Variants in FBN1 observed in about 807,000 individuals in gnomAD.
FBN1 encodes fibrillin-1.
In FBN1, 29 loss-of-function variants were observed where a neutral mutation model predicts 365.1. The observed-to-expected ratio is 0.08, with a 90% CI of 0.06 to 0.11. The LOEUF is 0.11. Ranked by LOEUF, FBN1 falls within the 10% of genes least tolerant of loss-of-function variation. The pLI is 1.00. For missense variants in FBN1, 2,476 were observed against 3,703.2 expected (o/e 0.67, Z 8.60); for synonymous variants, 1,210 against 1,270.5 (o/e 0.95, Z 1.01).
At chr15:48,642,563 A>C (rs1483536182) in intron 2 of FBN1, 2 of 152,206 alleles carry the variant, frequency 1.3e-5, no homozygotes, top group Non-Finnish European at 2.9e-5. Flanking sequence ...ATGTATACAT[A>C]TGCCTAAAAG....
chr15:48,463,978 T>C lies in FBN1; in HGVS notation c.4986A>G (p.Thr1662=), dbSNP rs753705796. The C allele has an allele frequency of 1.8e-5, 29 of 1,613,782 alleles. 1 individual carries two copies. In the Middle Eastern group the frequency reaches 2.0e-3, roughly 110 times the overall value. The stretch of plus-strand genomic sequence containing the variant: ...TGTAGTTGCCAACGGTGTTGTAACA[T>C]GTCCCTGGACCACAGATTCCAGGAG... ...CETPGICGPG[T]CYNTVGNYTC... is the part of the protein sequence containing the mutation. The change falls in exon 41 of 66, where the codon ACA becomes ACG. Residue 1662 remains threonine, a synonymous_variant. Coordinates refer to ENST00000316623, the MANE Select transcript of FBN1 (RefSeq NM_000138.5).
At position 48,495,104 on chromosome 15, in the gene FBN1, C is replaced by A; in HGVS notation, c.2677+19G>T. 6.2e-7 allele frequency: 1 copy of A among 1,613,960 alleles called. No homozygotes were observed. Among genetic ancestry groups the A allele is most frequent in the Non-Finnish European group, 8.5e-7 (1 of 1,179,920 alleles). On this transcript the variant is annotated intron_variant, in intron 22 of 65. Coordinates refer to ENST00000316623, the MANE Select transcript of FBN1 (RefSeq NM_000138.5). ...GACCATTGGAGTGGTATAGGAACCA[C>A]AGCATGGGTTTCTCTTACCAACTTG...
At chr15:48,480,520 C>T (rs959496000) in intron 32 of FBN1, among the ~76,000 whole-genome samples, 1 of 152,036 alleles carries the variant, frequency 6.6e-6, no homozygotes, top group African/African-American at 2.4e-5. Context: ...GAAAACATTC[C>T]AGCTTCATGC....
intron 3 of FBN1, 151 bp downstream of exon 3, chr15:48,612,859 A>G (rs2044667432): frequency 5.6e-6 from 4 of 717,010 alleles, no homozygotes; most frequent in Non-Finnish European, 1.0e-5. Flanking sequence ...TGTATTTCCC[A>G]AACTGGAAAG....
At position 48,596,391 on chromosome 15, in the gene FBN1, G is replaced by A. The variant is rs1406819732; in HGVS notation, c.443-13C>T. The A allele has an allele frequency of 1.9e-6, 3 of 1,608,910 alleles. No homozygotes were observed. Among genetic ancestry groups the A allele is most frequent in the Non-Finnish European group, 2.6e-6 (3 of 1,175,388 alleles). On this transcript the variant is annotated splice_polypyrimidine_tract_variant and intron_variant, in intron 5 of 65. Coordinates refer to ENST00000316623, the MANE Select transcript of FBN1 (RefSeq NM_000138.5). ...CTTTCACAAACAGCTGTAAAATAAG[G>A]AGAGAGCTGAGACGCTTTACCTGAA...
chr15:48,515,325 A>C (rs758192228), intron 12 of FBN1, 62 bp downstream of exon 12: 5 of 1,593,148 alleles, frequency 3.1e-6, no homozygotes, highest in Non-Finnish European at 4.3e-6. Flanking sequence ...ATAGAAAACC[A>C]GTAGAGTCAA....
Position 48,505,048 on chromosome 15 carries a change from C to T in FBN1, c.1937G>A (p.Gly646Asp), listed in dbSNP as rs1238689648. The change falls in exon 16 of 66, where the codon GGT becomes GAT. Residue 646 changes from glycine (G) to aspartate (D), a missense_variant. Physicochemically the swap from Gly to Asp is moderately conservative, Grantham distance 94. Around this residue, in one of 5 missense-constraint regions of FBN1, gnomAD observed 1,780 missense variants for 2,840.8 expected, o/e 0.63. Transcript: ENST00000316623. The stretch of plus-strand genomic sequence containing the variant: ...ACCAACACACACACGGCCATCCAGA[C>T]CCACAGCCAGTCCAGGGAAGCATTC... ...RCECFPGLAVGLDGRVCVDTH... is the reference protein window; with the variant it reads ...RCECFPGLAVDLDGRVCVDTH... 23 of 1,614,052 alleles carry T rather than the reference C, an allele frequency of 1.4e-5. No individual in the cohort carries two copies. Among genetic ancestry groups the T allele is most frequent in the Non-Finnish European group, 1.8e-5 (21 of 1,180,032 alleles).
chr15:48,543,381 C>G (rs761771160), intron 6 of FBN1, among the ~76,000 whole-genome samples: 12 of 152,106 alleles, frequency 7.9e-5, no homozygotes, highest in African/African-American at 1.2e-4. Flanking sequence ...TCAGTAACAC[C>G]AAAAGTCAAC....
intron 55 of FBN1, 144 bp from the exon 56 acceptor site, chr15:48,430,946 G>C (rs2043019281): frequency 5.0e-6 from 4 of 796,690 alleles, no homozygotes; most frequent in Non-Finnish European, 8.3e-6. Flanking sequence ...CTGCTCTGTT[G>C]AGTATGATCT....
At chr15:48,529,288 T>C (rs761690873) in intron 8 of FBN1, 3 of 152,320 alleles carry the variant, frequency 2.0e-5, no homozygotes, top group Non-Finnish European at 4.4e-5. Flanking sequence ...ATGACCCCAC[T>C]GGCTTCTTGC....
chr15:48,531,399 A>C (rs2043971908), intron 8 of FBN1, among the ~76,000 whole-genome samples: 1 of 152,136 alleles, frequency 6.6e-6, no homozygotes. Flanking sequence ...CATCTTGTGA[A>C]TTTGCTAAAG....
intron 2 of FBN1, among the ~76,000 whole-genome samples, chr15:48,613,699 G>A (rs2044674660): frequency 6.6e-6 from 1 of 152,160 alleles, no homozygotes; most frequent in Non-Finnish European, 1.5e-5. Flanking sequence ...AAGCCGAGGT[G>A]GGCAGGTCAC....
Position 48,497,290 on chromosome 15 carries a change from C to G in FBN1, c.2269G>C (p.Asp757His), listed in dbSNP as rs2043616147. The part of the protein sequence containing the change: ...KCICNSGYEV[D>H]STGKNCVDIN... ...CCAACGCAGTTTTTCCCAGTTGAAT[C>G]CACTTCATATCCTGAATTGCATATA... is the stretch of plus-strand genomic sequence containing the variant. Residue 757 changes from aspartate (D) to histidine (H), a missense_variant, in exon 19 of 66, where the codon GAT (aspartate) becomes CAT (histidine). Coordinates refer to ENST00000316623, the MANE Select transcript of FBN1 (RefSeq NM_000138.5). 2 of 1,613,906 alleles carry G rather than the reference C, an allele frequency of 1.2e-6. No homozygotes were observed. Among genetic ancestry groups the G allele is most frequent in the East Asian group, 4.5e-5 (2 of 44,872 alleles).
At chr15:48,544,769 C>T (rs1285199555) in intron 6 of FBN1, among the ~76,000 whole-genome samples, 2 of 152,134 alleles carry the variant, frequency 1.3e-5, no homozygotes, top group African/African-American at 4.8e-5. Context: ...TAATCATTTA[C>T]CTGATATTAT....
chr15:48,557,802 A>G (rs2044193137), intron 6 of FBN1, among the ~76,000 whole-genome samples: 1 of 152,214 alleles, frequency 6.6e-6, no homozygotes, highest in Non-Finnish European at 1.5e-5. Context: ...GACACTGGCT[A>G]TCAGTTGATA....
intron 62 of FBN1, 83 bp downstream of exon 62, chr15:48,421,475 G>T (rs537383591): frequency 1.3e-6 from 2 of 1,523,102 alleles, no homozygotes; most frequent in East Asian, 4.8e-5. Context: ...TCTCATAGAG[G>T]CTGATGATGA....
intron 57 of FBN1, 184 bp from the exon 58 acceptor site, chr15:48,427,957 A>G: frequency 1.4e-6 from 1 of 706,556 alleles, no homozygotes; most frequent in South Asian, 1.5e-5. Context: ...AGGGAAACAA[A>G]TAAGACATTC....
At chr15:48,634,156 C>G (rs1890045426) in intron 2 of FBN1, among the ~76,000 whole-genome samples, 1 of 152,194 alleles carries the variant, frequency 6.6e-6, no homozygotes, top group African/African-American at 2.4e-5. Flanking sequence ...CACAATCTTA[C>G]AAATTAGCAC....
intron 1 of FBN1, among the ~76,000 whole-genome samples, chr15:48,645,271 C>G (rs1819908211): frequency 6.6e-6 from 1 of 152,164 alleles, no homozygotes; most frequent in African/African-American, 2.4e-5. Context: ...GCGATGCGCG[C>G]TCTGAACGCC....
Sources: allele counts gnomAD v4.1 joint callset (sites outside exome capture counted in the v4.1 genomes callset), GRCh38; gene constraint gnomAD v4.1.1; regional missense constraint gnomAD v4.1.1; transcripts MANE v1.5; gene names NCBI Gene and HGNC (gene_info 2026-07-23, HGNC 2026-07-21).